Variants in PALM2AKAP2 observed in about 807,000 individuals in gnomAD.
PALM2AKAP2 encodes PALM2-AKAP2 fusion protein.
A neutral mutation model predicts 71.5 loss-of-function variants in PALM2AKAP2; 37 were observed. That is an observed-to-expected ratio of 0.52 (90% confidence interval 0.40 to 0.68). The LOEUF (loss-of-function observed/expected upper bound fraction) is 0.68. Ranked by LOEUF, PALM2AKAP2 falls within the 30% of genes least tolerant of loss-of-function variation. PALM2AKAP2 has a pLI of 0.00. For synonymous variants in PALM2AKAP2, 468 were observed against 478.8 expected, an observed-to-expected ratio of 0.98 and a Z score of 0.29; for missense variants, 1,224 against 1,191.8, an observed-to-expected ratio of 1.03 and a Z score of -0.40.
chr9:109,647,059 C>T (rs1172482666), intron 1 of PALM2AKAP2, among the ~76,000 whole-genome samples: 1 of 152,116 alleles, frequency 6.6e-6, no homozygotes, highest in Non-Finnish European at 1.5e-5. Flanking sequence ...ACCATGAACG[C>T]TTGGGAAACC....
At chr9:110,024,665 TC>T (rs1317971284) in intron 7 of PALM2AKAP2, among the ~76,000 whole-genome samples, 1 of 151,896 alleles carries the variant, frequency 6.6e-6, no homozygotes, top group Non-Finnish European at 1.5e-5. Context: ...GCATCTGTAG[TC>T]CCAGCTACAT....
At chr9:110,048,111 C>T (rs901606109), upstream of PALM2AKAP2, among the ~76,000 whole-genome samples, 1 of 152,158 alleles carries the variant, frequency 6.6e-6, no homozygotes, top group African/African-American at 2.4e-5. Flanking sequence ...TCGGGGGAGT[C>T]CTCAAACACG....
intron 1 of PALM2AKAP2, among the ~76,000 whole-genome samples, chr9:109,834,637 G>A (rs1297973940): frequency 2.0e-5 from 3 of 151,752 alleles, no homozygotes; most frequent in African/African-American, 4.9e-5. Context: ...CTCCGCCTGA[G>A]CTCACCACAC....
chr9:109,846,831 A>G (rs1828870648), intron 1 of PALM2AKAP2, among the ~76,000 whole-genome samples: 1 of 152,190 alleles, frequency 6.6e-6, no homozygotes, highest in Admixed American at 6.5e-5. Flanking sequence ...AGCAGCTCCA[A>G]TCCCAGCCTA....
chr9:110,048,738 C>T (rs1362195014), exon 1 of PALM2AKAP2: 4 of 1,370,858 alleles, frequency 2.9e-6, no homozygotes, highest in Non-Finnish European at 3.9e-6. Context: ...CTCGCCTTCC[C>T]CCGGAGTCTC....
chr9:109,961,143 A>G (rs1445298744), intron 6 of PALM2AKAP2, among the ~76,000 whole-genome samples: 1 of 152,242 alleles, frequency 6.6e-6, no homozygotes, highest in African/African-American at 2.4e-5. Flanking sequence ...ACACCTGCTC[A>G]GGCAAAAGCA....
At chr9:110,124,384 C>T (rs1272103290) in intron 1 of PALM2AKAP2, among the ~76,000 whole-genome samples, 2 of 152,230 alleles carry the variant, frequency 1.3e-5, no homozygotes, top group East Asian at 1.9e-4. Flanking sequence ...CTGTAAATCT[C>T]AGTTCTCTTT....
chr9:110,115,003 T>TA (rs1835333678), intron 1 of PALM2AKAP2, among the ~76,000 whole-genome samples: 1 of 152,124 alleles, frequency 6.6e-6, no homozygotes, highest in African/African-American at 2.4e-5. Context: ...GCTCCCCGTA[T>TA]CCCTGCTGGC....
intron 1 of PALM2AKAP2, among the ~76,000 whole-genome samples, chr9:109,699,279 A>T (rs568525130): frequency 7.2e-5 from 11 of 152,362 alleles, no homozygotes; most frequent in African/African-American, 2.6e-4. Context: ...CACAGCTGTT[A>T]GTAGAATTGG....
Position 109,959,651 on chromosome 9 carries a change from A to AC in PALM2AKAP2, c.496+27623_496+27624insC, listed in dbSNP as rs1831818311. Among the ~76,000 whole-genome samples the AC allele has an allele frequency of 2.0e-5, 3 of 152,052 alleles. No individual in the cohort carries two copies. The South Asian group carries it at 6.3e-4, about 32-fold the overall frequency. On this transcript the variant is annotated intron_variant, in intron 6 of 9. Coordinates refer to the PALM2AKAP2 transcript ENST00000302798. ...CAGAGCAAGACTCCGTCTCAAAAAA[A>AC]AAAAAAAAAAAATCCTAATATTTCC...
intron 1 of PALM2AKAP2, among the ~76,000 whole-genome samples, chr9:109,827,241 A>G (rs540432776): frequency 6.6e-6 from 1 of 152,362 alleles, no homozygotes; most frequent in Admixed American, 6.5e-5. Context: ...ACAATGATCA[A>G]AGACTTTTGA....
At chr9:109,961,908 C>T (rs1227902062) in intron 6 of PALM2AKAP2, among the ~76,000 whole-genome samples, 8 of 152,226 alleles carry the variant, frequency 5.3e-5, no homozygotes, top group Non-Finnish European at 8.8e-5. Context: ...AAGTCCAGTA[C>T]TTACTAGGCA....
At chr9:109,809,306 C>T (rs931483409) in intron 1 of PALM2AKAP2, among the ~76,000 whole-genome samples, 9 of 152,330 alleles carry the variant, frequency 5.9e-5, no homozygotes, top group African/African-American at 2.2e-4. Flanking sequence ...AGGAGCAGAG[C>T]TGCCCAAGGC....
chr9:109,841,505 T>G, intron 1 of PALM2AKAP2, among the ~76,000 whole-genome samples: 1 of 20,792 alleles, frequency 4.8e-5, no homozygotes, highest in Non-Finnish European at 7.6e-5. Flanking sequence ...CCCTAGAACT[T>G]AAAGTATAAT....
chr9:109,895,320 G>A (rs574985582), intron 3 of PALM2AKAP2, among the ~76,000 whole-genome samples: 1 of 152,230 alleles, frequency 6.6e-6, no homozygotes, highest in Non-Finnish European at 1.5e-5. Flanking sequence ...GTTAAGCAAA[G>A]GATGGGAACC....
intron 1 of PALM2AKAP2, among the ~76,000 whole-genome samples, chr9:109,764,013 G>A (rs1829103811): frequency 6.6e-6 from 1 of 152,068 alleles, no homozygotes; most frequent in Non-Finnish European, 1.5e-5. Flanking sequence ...CAAGTACAAG[G>A]GGTAGGACTT....
upstream of PALM2AKAP2, chr9:109,780,276 AGGC>A: frequency 8.3e-7 from 1 of 1,203,748 alleles, no homozygotes; most frequent in Admixed American, 4.4e-5. Context: ...GGGCGCAGCC[AGGC>A]GGCCGGGAGG....
intron 5 of PALM2AKAP2, among the ~76,000 whole-genome samples, chr9:109,930,459 C>T (rs568607188): frequency 6.6e-6 from 1 of 152,314 alleles, no homozygotes; most frequent in East Asian, 1.9e-4. Flanking sequence ...CTCCTGACCT[C>T]AGGTGATCCA....
At chr9:109,691,802 T>C (rs1321685398) in intron 1 of PALM2AKAP2, among the ~76,000 whole-genome samples, 1 of 135,652 alleles carries the variant, frequency 7.4e-6, no homozygotes, top group Non-Finnish European at 1.6e-5. Flanking sequence ...AGAATTAACA[T>C]CTTAATATCA....
Sources: allele counts gnomAD v4.1 joint callset (sites outside exome capture counted in the v4.1 genomes callset), GRCh38; gene constraint gnomAD v4.1.1; transcripts MANE v1.5; gene names NCBI Gene and HGNC (gene_info 2026-07-23, HGNC 2026-07-21).